Variants in SASS6 observed in about 807,000 individuals in gnomAD.
SASS6 encodes SAS-6 centriolar assembly protein, also known as spindle assembly abnormal protein 6 homolog.
A neutral mutation model predicts 94.9 loss-of-function variants in SASS6; 59 were observed. That is an observed-to-expected ratio of 0.62 (90% CI 0.50 to 0.77). SASS6 has a LOEUF of 0.77. SASS6 is among the 30% of genes least tolerant of loss of function. SASS6 has a pLI of 0.00. For missense variants in SASS6, 698 were observed against 734.1 expected (o/e 0.95, Z 0.57); for synonymous variants, 264 against 270.0 (o/e 0.98, Z 0.22).
chr1:100,099,081 A>G (rs1430827859), intron 14 of SASS6, among the ~76,000 whole-genome samples: 3 of 152,214 alleles, frequency 2.0e-5, no homozygotes, highest in Non-Finnish European at 4.4e-5. Context: ...TTAATACCAA[A>G]TAAATGAAAA....
At position 100,127,520 on chromosome 1, in the gene SASS6, G is replaced by A. The variant is rs186397092; in HGVS notation, c.66-1578C>T. On this transcript the variant is annotated intron_variant, in intron 1 of 16. Transcript: ENST00000287482. ...TGCTAAATCTCCGTTTGTACAATAAGGTTAAATGTTACCTCATAACTTGTA... is the reference window on the plus strand; with the variant it reads ...TGCTAAATCTCCGTTTGTACAATAAAGTTAAATGTTACCTCATAACTTGTA... Among the ~76,000 whole-genome samples, 43 of 152,288 alleles carry A rather than the reference G, an allele frequency of 2.8e-4. No individual in the cohort carries two copies. In the East Asian group the frequency reaches 6.9e-3, roughly 25 times the overall value.
chr1:100,110,933 A>G (rs552351023), intron 7 of SASS6, among the ~76,000 whole-genome samples: 153 of 152,128 alleles, frequency 1.0e-3, no homozygotes, highest in African/African-American at 3.6e-3. Context: ...TATAATGGAA[A>G]AACACCTAAA....
intron 2 of SASS6, among the ~76,000 whole-genome samples, chr1:100,124,147 G>C (rs1654399936): frequency 6.6e-6 from 1 of 152,072 alleles, no homozygotes; most frequent in African/African-American, 2.4e-5. Flanking sequence ...AAAATGAAGA[G>C]GTACAGCAGG....
intron 6 of SASS6, among the ~76,000 whole-genome samples, chr1:100,119,528 T>C (rs1222774225): frequency 6.6e-6 from 1 of 152,240 alleles, no homozygotes; most frequent in Non-Finnish European, 1.5e-5. Flanking sequence ...GCCATGCAGA[T>C]TATCAGATAC....
chr1:100,118,625 A>G (rs572268001), intron 7 of SASS6, among the ~76,000 whole-genome samples: 6 of 152,348 alleles, frequency 3.9e-5, no homozygotes, highest in East Asian at 1.9e-4. Context: ...CTAAAAAGGA[A>G]TATCTTAACT....
At chr1:100,104,506 C>A (rs1327605249) in intron 13 of SASS6, among the ~76,000 whole-genome samples, 3 of 152,066 alleles carry the variant, frequency 2.0e-5, no homozygotes, top group Non-Finnish European at 2.9e-5. Flanking sequence ...GTTGCCCAGG[C>A]TGGAGTACAG....
intron 14 of SASS6, among the ~76,000 whole-genome samples, chr1:100,090,494 G>A (rs1570682111): frequency 1.3e-5 from 2 of 152,226 alleles, no homozygotes; most frequent in Middle Eastern, 6.8e-3. Context: ...ATTTTTCCCT[G>A]TGTTCTTTCC....
chr1:100,089,233 A>C (rs1651518143), intron 14 of SASS6, among the ~76,000 whole-genome samples: 1 of 152,170 alleles, frequency 6.6e-6, no homozygotes, highest in African/African-American at 2.4e-5. Flanking sequence ...GAAATAAATA[A>C]TAATGAAATA....
Position 100,110,487 on chromosome 1 carries a change from T to C in SASS6, c.670-4A>G, listed in dbSNP as rs369948061. On this transcript the variant is annotated splice_region_variant and splice_polypyrimidine_tract_variant and intron_variant, in intron 7 of 16. Transcript: ENST00000287482. ...GCTGTTGATATTGAACCTGTGCCTATGATACAATAAAAATACAGTACCAAA... is the reference window on the plus strand; with the variant it reads ...GCTGTTGATATTGAACCTGTGCCTACGATACAATAAAAATACAGTACCAAA... 262 of 1,525,114 alleles carry C rather than the reference T, an allele frequency of 1.7e-4. 1 individual carries two copies. The highest frequency in any genetic ancestry group is 1.8e-4 in the Non-Finnish European group (209 of 1,131,590). 94.5% of individuals were successfully genotyped at this position (1,525,114 alleles called of 1,614,324 possible). A position where few individuals can be genotyped will look rare whatever the true frequency, so the allele number is the denominator to read the frequency against.
intron 14 of SASS6, among the ~76,000 whole-genome samples, chr1:100,098,038 CT>C (rs1233942671): frequency 6.6e-6 from 1 of 152,016 alleles, no homozygotes; most frequent in Non-Finnish European, 1.5e-5. Context: ...CTTCACAACT[CT>C]ATAAGCTGAC....
chr1:100,100,745 G>A (rs1446678285), intron 14 of SASS6, among the ~76,000 whole-genome samples: 4 of 152,084 alleles, frequency 2.6e-5, no homozygotes, highest in South Asian at 2.1e-4. Context: ...AAATAAAAGC[G>A]TCATTTTTAA....
chr1:100,100,116 A>C (rs1652369400), intron 14 of SASS6, among the ~76,000 whole-genome samples: 1 of 152,016 alleles, frequency 6.6e-6, no homozygotes, highest in Non-Finnish European at 1.5e-5. Flanking sequence ...AAATACAAAA[A>C]TTAGCCAGGT....
intron 7 of SASS6, among the ~76,000 whole-genome samples, chr1:100,114,287 G>A (rs565279589): frequency 6.6e-6 from 1 of 152,138 alleles, no homozygotes; most frequent in South Asian, 2.1e-4. Flanking sequence ...CATGAGGCTA[G>A]CATAATTCTA....
intron 14 of SASS6, among the ~76,000 whole-genome samples, chr1:100,092,204 AATG>A (rs2101642216): frequency 6.6e-6 from 1 of 151,988 alleles, no homozygotes; most frequent in South Asian, 2.1e-4. Context: ...AGGCAGAGAA[AATG>A]ATGCACTAGT....
intron 7 of SASS6, among the ~76,000 whole-genome samples, chr1:100,117,758 T>A (rs1476459173): frequency 1.4e-5 from 2 of 141,832 alleles, no homozygotes; most frequent in Non-Finnish European, 3.1e-5. Flanking sequence ...TATTAAAAGA[T>A]GCTTATCTTC....
At chr1:100,099,956 T>C (rs1252506870) in intron 14 of SASS6, among the ~76,000 whole-genome samples, 2 of 152,134 alleles carry the variant, frequency 1.3e-5, no homozygotes, top group Non-Finnish European at 2.9e-5. Flanking sequence ...TGATGAAAGT[T>C]TGACCTTGAA....
intron 14 of SASS6, among the ~76,000 whole-genome samples, chr1:100,102,471 G>T (rs912927830): frequency 3.9e-5 from 6 of 152,106 alleles, no homozygotes; most frequent in African/African-American, 1.4e-4. Flanking sequence ...GAGGCCAGGA[G>T]TTCGAGACCA....
chr1:100,112,952 G>T (rs1206940863), intron 7 of SASS6, among the ~76,000 whole-genome samples: 2 of 152,206 alleles, frequency 1.3e-5, no homozygotes, highest in Non-Finnish European at 2.9e-5. Context: ...AGCAGGAAGA[G>T]AAGTGTTGAC....
chr1:100,118,944 A>G (rs1653974788), intron 7 of SASS6, 74 bp downstream of exon 7: 2 of 1,101,742 alleles, frequency 1.8e-6, no homozygotes, highest in Non-Finnish European at 1.3e-6. Flanking sequence ...AAGCAAGCAT[A>G]TATTACTTTT....
Sources: allele counts gnomAD v4.1 joint callset (sites outside exome capture counted in the v4.1 genomes callset), GRCh38; gene constraint gnomAD v4.1.1; transcripts MANE v1.5; gene names NCBI Gene and HGNC (gene_info 2026-07-23, HGNC 2026-07-21).